FREY1: variants seen among roughly 807,000 people sequenced by gnomAD.
FREY1 encodes the protein protein Frey 1.
chr11:45,907,112 C>CAA, the FREY1 span: 9 of 1,547,560 alleles, frequency 5.8e-6, no homozygotes, highest in African/African-American at 2.7e-5. Flanking sequence ...CCATCCGGCC[C>CAA]AAGTGCCCTG....
At chr11:45,906,770 TTTGGGATGA>T in the FREY1 span, 1 of 1,600,316 alleles carries the variant, frequency 6.2e-7, no homozygotes, top group Non-Finnish European at 8.5e-7. Context: ...ACAGATGTGG[TTTGGGATGA>T]CAAGCCCCTG....
the FREY1 span, chr11:45,906,881 C>T: frequency 6.4e-5 from 103 of 1,613,866 alleles, 2 homozygotes; most frequent in East Asian, 1.0e-3. Flanking sequence ...TCCACCAGGC[C>T]GGAAAGTGGC....
the FREY1 span, chr11:45,906,751 C>T: frequency 1.9e-6 from 3 of 1,582,244 alleles, no homozygotes; most frequent in Non-Finnish European, 2.6e-6. Context: ...GAACTGAAGT[C>T]ACCCTTGAAC....
chr11:45,906,603 TCGGGC>T, the FREY1 span: 1 of 1,580,292 alleles, frequency 6.3e-7, no homozygotes, highest in Non-Finnish European at 8.6e-7. Context: ...CTCGGCAAGG[TCGGGC>T]CCGTCCCGCT....
the FREY1 span, chr11:45,907,044 G>A: frequency 2.4e-5 from 37 of 1,544,628 alleles, 1 homozygote; most frequent in South Asian, 1.9e-4. Context: ...GCAAGCCCTC[G>A]AACGCCCAGG....
chr11:45,906,924 AG>A, the FREY1 span: 1 of 1,613,848 alleles, frequency 6.2e-7, no homozygotes, highest in Non-Finnish European at 8.5e-7. Flanking sequence ...AAAATGCCTC[AG>A]GAACAGACCG....
At chr11:45,906,698 G>C in the FREY1 span, 1 of 1,580,018 alleles carries the variant, frequency 6.3e-7, no homozygotes. Context: ...AGTCTAAAGA[G>C]AGAAAAGAGG....
chr11:45,906,658 G>A, the FREY1 span: 125 of 1,591,296 alleles, frequency 7.9e-5, no homozygotes, highest in East Asian at 6.1e-4. Flanking sequence ...CGAGGCCCTC[G>A]CGGCCTTGGG....
the FREY1 span, chr11:45,906,825 C>T: frequency 1.2e-6 from 2 of 1,611,982 alleles, no homozygotes; most frequent in African/African-American, 2.7e-5. Flanking sequence ...GGGGCGTCTC[C>T]ACTGTCAGGG....
At chr11:45,906,724 G>C in the FREY1 span, 3 of 1,576,086 alleles carry the variant, frequency 1.9e-6, no homozygotes, top group Non-Finnish European at 2.6e-6. Context: ...GGTGGTAGGG[G>C]GCAGCTGGCT....
chr11:45,907,070 C>A, the FREY1 span: 1 of 1,529,966 alleles, frequency 6.5e-7, no homozygotes, highest in Non-Finnish European at 8.9e-7. Flanking sequence ...AGGGCCAGCC[C>A]CACTCCAGAG....
At chr11:45,906,793 G>C in the FREY1 span, 1 of 1,607,106 alleles carries the variant, frequency 6.2e-7, no homozygotes, top group Non-Finnish European at 8.5e-7. Context: ...GCCCCTGAAG[G>C]CTGGACTTGG....
chr11:45,906,952 A>G, the FREY1 span: 2 of 1,613,424 alleles, frequency 1.2e-6, no homozygotes, highest in African/African-American at 2.7e-5. Context: ...CCTGTGGGAG[A>G]TGTCGGGGTG....
the FREY1 span, chr11:45,906,968 C>T: frequency 2.5e-6 from 4 of 1,612,982 alleles, no homozygotes; most frequent in African/African-American, 2.7e-5. Context: ...GGGTGCTCAG[C>T]CCTGGCCCAG....
At chr11:45,907,134 C>A in the FREY1 span, 1 of 1,555,556 alleles carries the variant, frequency 6.4e-7, no homozygotes, top group South Asian at 1.2e-5. Flanking sequence ...CCTCTGTGCC[C>A]CAGGAGTCAC....
the FREY1 span, chr11:45,906,952 A>T: frequency 6.2e-7 from 1 of 1,613,542 alleles, no homozygotes; most frequent in East Asian, 2.2e-5. Context: ...CCTGTGGGAG[A>T]TGTCGGGGTG....
the FREY1 span, chr11:45,906,985 A>C: frequency 6.2e-7 from 1 of 1,607,200 alleles, no homozygotes; most frequent in Non-Finnish European, 8.5e-7. Context: ...CCAGAAGGCC[A>C]CCGCCACCTC....
the FREY1 span, chr11:45,906,858 A>G: frequency 6.2e-7 from 1 of 1,613,726 alleles, no homozygotes; most frequent in Non-Finnish European, 8.5e-7. Flanking sequence ...AGGGGACAAG[A>G]GAGATACTAC....
At chr11:45,906,956 C>T in the FREY1 span, 935 of 1,613,552 alleles carry the variant, frequency 5.8e-4, 5 homozygotes, top group African/African-American at 0.011. Context: ...TGGGAGATGT[C>T]GGGGTGCTCA....
Sources: allele counts gnomAD v4.1 joint callset, GRCh38; gene constraint gnomAD v4.1.1; transcripts MANE v1.5; gene names NCBI Gene and HGNC (gene_info 2026-07-23, HGNC 2026-07-21).